Variants in TPH2 observed in about 807,000 individuals in gnomAD.
TPH2 encodes tryptophan hydroxylase 2.
TPH2 carries 27 observed loss-of-function variants against 59.1 expected under a neutral mutation model. The observed-to-expected ratio is 0.46, with a 90% CI of 0.34 to 0.63. The LOEUF is 0.63. Ranked by LOEUF, TPH2 falls within the 30% of genes least tolerant of loss-of-function variation. The pLI is 0.01. For missense variants in TPH2, 523 were observed against 588.3 expected (o/e 0.89, Z 1.15); for synonymous variants, 220 against 210.5 (o/e 1.05, Z -0.39).
chr12:72,031,435 T>C, intron 10 of TPH2, 44 bp downstream of exon 10: 1 of 1,613,070 alleles, frequency 6.2e-7, no homozygotes, highest in Non-Finnish European at 8.5e-7. Flanking sequence ...AACTTTTTAT[T>C]TTTCTGTCTC....
chr12:71,986,046 G>C (rs1206784474), intron 7 of TPH2, among the ~76,000 whole-genome samples: 3 of 152,192 alleles, frequency 2.0e-5, no homozygotes, highest in Admixed American at 2.0e-4. Context: ...CTTCTTAAGT[G>C]ACAAAGTACC....
At chr12:72,004,134 A>G (rs1036086732) in intron 8 of TPH2, among the ~76,000 whole-genome samples, 1 of 143,580 alleles carries the variant, frequency 7.0e-6, no homozygotes, top group Non-Finnish European at 1.5e-5. Flanking sequence ...GATGTACAGT[A>G]TGTGGTGTGG....
intron 7 of TPH2, among the ~76,000 whole-genome samples, chr12:71,985,466 T>C (rs768625421): frequency 1.3e-5 from 2 of 152,172 alleles, no homozygotes; most frequent in Non-Finnish European, 2.9e-5. Flanking sequence ...TGGTGCGATG[T>C]CAGCTCACTG....
At chr12:71,941,822 A>G in intron 2 of TPH2, 89 bp downstream of exon 2, 12 of 1,370,588 alleles carry the variant, frequency 8.8e-6, no homozygotes, top group South Asian at 2.3e-5. Flanking sequence ...TACTGAATCA[A>G]TTTCTGGATA....
chr12:71,942,011 C>T lies in TPH2; in HGVS notation c.255+278C>T, dbSNP rs1381202431. Reference sequence around the variant, plus strand: ...GTCAGTACTTCAAAAACGTGAGCTTCACACCTGAAAATGAAAACACAAGAG... The same window carrying T: ...GTCAGTACTTCAAAAACGTGAGCTTTACACCTGAAAATGAAAACACAAGAG... On this transcript the variant is annotated intron_variant, in intron 2 of 10. Coordinates refer to ENST00000333850, the MANE Select transcript of TPH2 (RefSeq NM_173353.4). Among the ~76,000 whole-genome samples the T allele has an allele frequency of 3.9e-5, 6 of 152,248 alleles. 1 individual carries two copies. Among genetic ancestry groups the T allele is most frequent in the African/African-American group, 9.6e-5 (4 of 41,556 alleles).
intron 8 of TPH2, among the ~76,000 whole-genome samples, chr12:72,007,945 T>C (rs916519450): frequency 7.9e-5 from 12 of 152,206 alleles, no homozygotes; most frequent in Non-Finnish European, 8.8e-5. Context: ...GAGTCAGTTA[T>C]GGCCCATTCA....
chr12:71,960,894 T>C (rs1871661145), intron 5 of TPH2, among the ~76,000 whole-genome samples: 1 of 152,220 alleles, frequency 6.6e-6, no homozygotes, highest in Non-Finnish European at 1.5e-5. Flanking sequence ...TCCAGACCTG[T>C]TTCCAACCCT....
intron 8 of TPH2, among the ~76,000 whole-genome samples, chr12:72,011,115 G>T (rs867172628): frequency 2.6e-5 from 4 of 152,138 alleles, no homozygotes; most frequent in Non-Finnish European, 5.9e-5. Flanking sequence ...GCTATTTCAA[G>T]GTAGCTAGTT....
chr12:72,021,841 GT>G (rs1335346116), intron 8 of TPH2, among the ~76,000 whole-genome samples: 1 of 152,104 alleles, frequency 6.6e-6, no homozygotes, highest in African/African-American at 2.4e-5. Context: ...TAATATTGTG[GT>G]TTTGGTAATT....
In TPH2 at chr12:72,031,643, T is replaced by G; in HGVS notation, c.1421T>G (p.Leu474Trp). ...GTGGTGCAGGACCTTCGCAGCGACT[T>G]GAATACAGTGTGTGATGCTTTAAAC... ...ENVVQDLRSD[L>W]NTVCDALNKM... Residue 474 changes from leucine (L) to tryptophan (W), a missense_variant, in exon 11 of 11, where the codon TTG becomes TGG. Physicochemically the swap from Leu to Trp is moderately conservative, Grantham distance 61. Coordinates refer to ENST00000333850, the MANE Select transcript of TPH2 (RefSeq NM_173353.4). The G allele has an allele frequency of 1.2e-6, 2 of 1,613,640 alleles. No individual in the cohort carries two copies. Among genetic ancestry groups the G allele is most frequent in the Non-Finnish European group, 1.7e-6 (2 of 1,179,584 alleles).
chr12:72,020,323 A>T (rs113989952), intron 8 of TPH2, among the ~76,000 whole-genome samples: 10 of 152,180 alleles, frequency 6.6e-5, no homozygotes, highest in African/African-American at 2.4e-4. Context: ...TGGAGTTTAT[A>T]GTCTAGTGTT....
At chr12:71,989,590 A>T (rs998167216) in intron 7 of TPH2, among the ~76,000 whole-genome samples, 1 of 152,246 alleles carries the variant, frequency 6.6e-6, no homozygotes, top group Non-Finnish European at 1.5e-5. Flanking sequence ...ACAGATGTGC[A>T]GATTTTGGAT....
At chr12:71,954,599 A>T (rs1871443182) in intron 5 of TPH2, among the ~76,000 whole-genome samples, 3 of 152,310 alleles carry the variant, frequency 2.0e-5, no homozygotes, top group Non-Finnish European at 2.9e-5. Flanking sequence ...AGAGGAAATT[A>T]TGACTGCGAT....
Position 72,031,376 on chromosome 12 carries a change from C to A in TPH2, c.1283C>A (p.Ala428Asp). ...TTTGTTTCAGAAAGTTTTGAAGAAG[C>A]CAAAGAAAAGATGAGGTAAACTTTT... Reference protein sequence around the residue: ...AYFVSESFEEAKEKMRDFAKS... With the variant: ...AYFVSESFEEDKEKMRDFAKS... The change falls in exon 10 of 11, where the codon GCC becomes GAC. Residue 428 changes from alanine to aspartate, a missense_variant. Physicochemically the swap from Ala to Asp is moderately radical, Grantham distance 126. Coordinates refer to ENST00000333850, the MANE Select transcript of TPH2 (RefSeq NM_173353.4). 1 of 1,613,604 alleles carries A rather than the reference C, an allele frequency of 6.2e-7. No individual in the cohort carries two copies. Among genetic ancestry groups the A allele is most frequent in the Non-Finnish European group, 8.5e-7 (1 of 1,179,608 alleles).
intron 8 of TPH2, among the ~76,000 whole-genome samples, chr12:72,014,701 T>C (rs770289901): frequency 7.9e-4 from 121 of 152,290 alleles, no homozygotes; most frequent in Non-Finnish European, 1.5e-3. Flanking sequence ...CAGAAAAATT[T>C]TTAACTCAAG....
chr12:71,971,977 A>G (rs1871984907), intron 5 of TPH2, among the ~76,000 whole-genome samples: 1 of 152,094 alleles, frequency 6.6e-6, no homozygotes, highest in Admixed American at 6.5e-5. Context: ...AATGCTCCTT[A>G]TTTTTTGGTT....
intron 6 of TPH2, among the ~76,000 whole-genome samples, chr12:71,977,141 T>A (rs1657927183): frequency 6.6e-6 from 1 of 152,190 alleles, no homozygotes. Context: ...AACCTCCACC[T>A]CCTAGGCTCA....
intron 8 of TPH2, among the ~76,000 whole-genome samples, chr12:72,019,061 C>T (rs1281343637): frequency 6.6e-6 from 1 of 152,172 alleles, no homozygotes; most frequent in Non-Finnish European, 1.5e-5. Context: ...CCCTTCATTG[C>T]ACCCAGAATT....
intron 4 of TPH2, 97 bp from the exon 5 acceptor site, chr12:71,949,491 G>T: frequency 1.0e-6 from 1 of 984,374 alleles, no homozygotes; most frequent in East Asian, 2.5e-5. Flanking sequence ...ATTTACATAT[G>T]AATTGAACAC....
Sources: gnomAD v4.1 joint callset for allele counts (sites outside exome capture counted in the v4.1 genomes callset) on GRCh38, gnomAD v4.1.1 for gene constraint, MANE v1.5 for transcripts, NCBI Gene and HGNC (gene_info 2026-07-23, HGNC 2026-07-21) for gene names.